PTPN13: variants seen among roughly 807,000 people sequenced by gnomAD.
The protein encoded by PTPN13 is protein tyrosine phosphatase non-receptor type 13, also known as tyrosine-protein phosphatase non-receptor type 13.
In PTPN13, 191 loss-of-function variants were observed where a neutral mutation model predicts 284.0. The observed-to-expected ratio is 0.67, with a 90% CI of 0.60 to 0.76. The LOEUF is 0.76. Among genes scored for constraint, PTPN13 ranks in the 30% least tolerant of loss-of-function variants. The pLI, the probability that PTPN13 is intolerant of heterozygous loss-of-function variation, is 0.00. For missense variants in PTPN13, 2,797 were observed against 2,939.9 expected (o/e 0.95, Z 1.12); for synonymous variants, 986 against 1,022.3 (o/e 0.96, Z 0.68).
chr4:86,666,915 C>G (rs1727151196), intron 2 of PTPN13, among the ~76,000 whole-genome samples: 1 of 152,182 alleles, frequency 6.6e-6, no homozygotes, highest in Non-Finnish European at 1.5e-5. Context: ...CATGCCTAGT[C>G]CCAGGTAACC....
chr4:86,684,411 A>C (rs1320390852), intron 3 of PTPN13, among the ~76,000 whole-genome samples: 1 of 152,188 alleles, frequency 6.6e-6, no homozygotes, highest in Non-Finnish European at 1.5e-5. Flanking sequence ...TTAGGTTGTG[A>C]TAAGGGAAGG....
At chr4:86,747,469 T>C (rs185514530) in intron 17 of PTPN13, among the ~76,000 whole-genome samples, 34 of 152,280 alleles carry the variant, frequency 2.2e-4, no homozygotes, top group Non-Finnish European at 4.6e-4. Flanking sequence ...AACAATGTTT[T>C]ACCTCTAGAA....
chr4:86,685,213 AG>A (rs1405913720), intron 3 of PTPN13, among the ~76,000 whole-genome samples: 1 of 152,220 alleles, frequency 6.6e-6, no homozygotes, highest in South Asian at 2.1e-4. Flanking sequence ...AACAACCTAA[AG>A]AGAAGTCCTT....
rs1740374083 is a variant in PTPN13, at chr4:86,774,479, A to C, written c.5456A>C (p.Gln1819Pro). The change falls in exon 33 of 48, where the codon CAG becomes CCG. Residue 1819 changes from glutamine to proline, a missense_variant. Coordinates refer to ENST00000411767, the MANE Select transcript of PTPN13 (RefSeq NM_080683.3). ...GGTTGTTATGTTCATGATGTCATACAGGATCCAGCCAAAAGTGATGGAAGG... is the reference window on the plus strand; with the variant it reads ...GGTTGTTATGTTCATGATGTCATACCGGATCCAGCCAAAAGTGATGGAAGG... ...RIGCYVHDVI[Q>P]DPAKSDGRLK... The C allele has an allele frequency of 3.7e-6, 6 of 1,605,728 alleles. No homozygotes were observed. The highest frequency in any genetic ancestry group is 5.1e-6 in the Non-Finnish European group (6 of 1,175,756).
At chr4:86,603,243 AAAG>A (rs1388933739) in intron 1 of PTPN13, among the ~76,000 whole-genome samples, 2 of 152,342 alleles carry the variant, frequency 1.3e-5, no homozygotes, top group African/African-American at 2.4e-5. Flanking sequence ...CATAATTAGA[AAAG>A]AAGATTCCAA....
intron 19 of PTPN13, among the ~76,000 whole-genome samples, chr4:86,752,178 C>T (rs1332210641): frequency 2.0e-5 from 3 of 152,190 alleles, no homozygotes; most frequent in Non-Finnish European, 2.9e-5. Context: ...GACTGTTTCC[C>T]TTCTGTTGTC....
chr4:86,778,306 T>C (rs1233765760), intron 35 of PTPN13, among the ~76,000 whole-genome samples: 1 of 152,208 alleles, frequency 6.6e-6, no homozygotes, highest in Non-Finnish European at 1.5e-5. Flanking sequence ...AGCCTGTCTT[T>C]GTTACATGGA....
chr4:86,613,776 T>C (rs1292750584), intron 1 of PTPN13, among the ~76,000 whole-genome samples: 1 of 152,122 alleles, frequency 6.6e-6, no homozygotes, highest in Admixed American at 6.5e-5. Flanking sequence ...AATAAAGACA[T>C]TTCCCCTCAT....
At chr4:86,658,133 G>A (rs1181586080) in intron 2 of PTPN13, among the ~76,000 whole-genome samples, 1 of 152,210 alleles carries the variant, frequency 6.6e-6, no homozygotes, top group African/African-American at 2.4e-5. Flanking sequence ...CTTCTCGCTG[G>A]AGTTGGGGAT....
chr4:86,710,435 G>A (rs762498475), intron 7 of PTPN13, among the ~76,000 whole-genome samples: 10 of 152,170 alleles, frequency 6.6e-5, no homozygotes, highest in Non-Finnish European at 1.3e-4. Flanking sequence ...ATTACAATTT[G>A]TGTTGGCTTA....
chr4:86,771,806 C>T (rs1740032915), intron 31 of PTPN13, among the ~76,000 whole-genome samples: 1 of 152,160 alleles, frequency 6.6e-6, no homozygotes. Flanking sequence ...CACTGTTAAT[C>T]ATACTACTTA....
At chr4:86,763,951 A>G (rs1042611953) in intron 24 of PTPN13, among the ~76,000 whole-genome samples, 2 of 152,112 alleles carry the variant, frequency 1.3e-5, no homozygotes, top group East Asian at 3.9e-4. Flanking sequence ...AAATGATACA[A>G]ATTTAAACTC....
chr4:86,797,864 A>G (rs917058491), intron 41 of PTPN13, among the ~76,000 whole-genome samples: 3 of 152,096 alleles, frequency 2.0e-5, no homozygotes, highest in East Asian at 1.9e-4. Context: ...AAAAATATAT[A>G]TGAGGGAAAG....
chr4:86,603,252 T>A (rs955911976), intron 1 of PTPN13, among the ~76,000 whole-genome samples: 5 of 152,194 alleles, frequency 3.3e-5, no homozygotes, highest in Non-Finnish European at 5.9e-5. Context: ...AAAAGAAGAT[T>A]CCAAAAATAT....
At chr4:86,759,685 C>T (rs1375701181) in intron 23 of PTPN13, among the ~76,000 whole-genome samples, 1 of 152,104 alleles carries the variant, frequency 6.6e-6, no homozygotes, top group Non-Finnish European at 1.5e-5. Context: ...TCTGTTTCTA[C>T]CACCTAAAAC....
chr4:86,740,973 A>C (rs1324606320), intron 15 of PTPN13, among the ~76,000 whole-genome samples: 4 of 151,790 alleles, frequency 2.6e-5, no homozygotes, highest in African/African-American at 9.7e-5. Context: ...GTTCCCAACA[A>C]GTTCCCAACA....
At chr4:86,664,876 G>T (rs1004313262) in intron 2 of PTPN13, among the ~76,000 whole-genome samples, 2 of 152,026 alleles carry the variant, frequency 1.3e-5, no homozygotes, top group Non-Finnish European at 2.9e-5. Flanking sequence ...GAAATCAAGA[G>T]ACCTGCTTCC....
intron 5 of PTPN13, among the ~76,000 whole-genome samples, chr4:86,689,443 A>G (rs1729792389): frequency 6.6e-6 from 1 of 152,228 alleles, no homozygotes; most frequent in Admixed American, 6.5e-5. Flanking sequence ...TTGAGCTGAA[A>G]GTGTCTCCTC....
At chr4:86,711,692 G>T (rs900722670) in intron 7 of PTPN13, among the ~76,000 whole-genome samples, 5 of 152,082 alleles carry the variant, frequency 3.3e-5, no homozygotes, top group Non-Finnish European at 7.4e-5. Context: ...TACATTGTAG[G>T]CTTCACTTAG....
Sources: allele counts gnomAD v4.1 joint callset (sites outside exome capture counted in the v4.1 genomes callset), GRCh38; gene constraint gnomAD v4.1.1; transcripts MANE v1.5; gene names NCBI Gene and HGNC (gene_info 2026-07-23, HGNC 2026-07-21).